Variants in RAB10 observed in about 807,000 individuals in gnomAD.
The protein encoded by RAB10 is RAB10, member RAS oncogene family, also known as ras-related protein Rab-10.
In RAB10, 5 loss-of-function variants were observed where a neutral mutation model predicts 25.7. The ratio of observed to expected loss-of-function variants is 0.19; its 90% CI spans 0.10 to 0.41. RAB10 has a LOEUF of 0.41. Ranked by LOEUF, RAB10 falls within the 10% of genes least tolerant of loss-of-function variation. RAB10 has a pLI of 1.00. For synonymous variants in RAB10, 89 were observed against 86.4 expected, an observed-to-expected ratio of 1.03 and a Z score of -0.16; for missense variants, 103 against 245.8, an observed-to-expected ratio of 0.42 and a Z score of 3.89.
chr2:26,053,811 C>G (rs1392569722), intron 1 of RAB10, among the ~76,000 whole-genome samples: 1 of 152,032 alleles, frequency 6.6e-6, no homozygotes, highest in South Asian at 2.1e-4. Context: ...CTTCTGCCTT[C>G]CGGGTTCAAG....
chr2:26,067,080 C>G (rs1402945468), intron 1 of RAB10, among the ~76,000 whole-genome samples: 1 of 152,110 alleles, frequency 6.6e-6, no homozygotes, highest in Non-Finnish European at 1.5e-5. Flanking sequence ...CCATGCCGCT[C>G]TATTTTTTGT....
chr2:26,128,342 G>C (rs975310758), intron 5 of RAB10, among the ~76,000 whole-genome samples: 2 of 152,140 alleles, frequency 1.3e-5, no homozygotes, highest in African/African-American at 4.8e-5. Flanking sequence ...CCTCCTGCTG[G>C]GTGGCCCCGT....
chr2:26,065,418 A>G (rs1489072994), intron 1 of RAB10, among the ~76,000 whole-genome samples: 1 of 152,130 alleles, frequency 6.6e-6, no homozygotes, highest in African/African-American at 2.4e-5. Flanking sequence ...GAAATGGTCA[A>G]CACTTTCATT....
At chr2:26,064,097 T>A (rs143722300) in intron 1 of RAB10, among the ~76,000 whole-genome samples, 1 of 152,230 alleles carries the variant, frequency 6.6e-6, no homozygotes, top group Admixed American at 6.5e-5. Context: ...AGCTGCTTAA[T>A]GTCCTTTTGT....
At chr2:26,125,128 GA>G (rs1667880928) in intron 3 of RAB10, among the ~76,000 whole-genome samples, 2 of 152,110 alleles carry the variant, frequency 1.3e-5, no homozygotes, top group African/African-American at 4.8e-5. Context: ...CCCATGAGTG[GA>G]ATTGCTGGAT....
At chr2:26,101,003 G>A (rs188813981) in intron 2 of RAB10, among the ~76,000 whole-genome samples, 69 of 152,238 alleles carry the variant, frequency 4.5e-4, no homozygotes, top group African/African-American at 1.5e-3. Flanking sequence ...GTAAGGATGA[G>A]GGAGGAAGTG....
At chr2:26,130,524 G>C (rs988631744) in intron 5 of RAB10, among the ~76,000 whole-genome samples, 1 of 151,730 alleles carries the variant, frequency 6.6e-6, no homozygotes, top group Non-Finnish European at 1.5e-5. Flanking sequence ...GCCCAGGCTA[G>C]ATTTGAACTC....
rs549127479 is a variant in RAB10 at position 26,112,599 on chromosome 2, G to A, written c.327+2693G>A. On this transcript the variant is annotated intron_variant, in intron 3 of 5. Transcript: ENST00000264710. ...GATAAACTGAGAAACATACAACCCA[G>A]GTATCAAAAAGGAAAATTGTGGGTG... Among the ~76,000 whole-genome samples, 12 of 152,194 alleles carry A rather than the reference G, an allele frequency of 7.9e-5. No homozygotes were observed. The South Asian group carries it at 2.3e-3, about 29-fold the overall frequency.
In RAB10 at chr2:26,058,824, T is replaced by C. The variant is rs571192884; in HGVS notation, c.127+24089T>C. 2.0e-5 allele frequency among the ~76,000 whole-genome samples: 3 copies of C among 152,330 alleles called. No homozygotes were observed. In the South Asian group the frequency reaches 6.2e-4, roughly 32 times the overall value. On this transcript the variant is annotated intron_variant, in intron 1 of 5. Coordinates refer to ENST00000264710, the MANE Select transcript of RAB10 (RefSeq NM_016131.5). ...CTTCCCTTTCTATCCTATAATAAAA[T>C]AGCAACAGCTCCCCTCTTCCAGTTC...
intron 1 of RAB10, among the ~76,000 whole-genome samples, chr2:26,097,367 G>A (rs1232208104): frequency 5.3e-5 from 8 of 152,080 alleles, no homozygotes; most frequent in East Asian, 1.9e-4. Flanking sequence ...TCCACCTCCC[G>A]GGTTCAAGTG....
chr2:26,084,939 G>A (rs1277918147), intron 1 of RAB10, among the ~76,000 whole-genome samples: 1 of 152,088 alleles, frequency 6.6e-6, no homozygotes, highest in Non-Finnish European at 1.5e-5. Context: ...GGGTTATTTA[G>A]GAATGTGTAT....
chr2:26,119,479 T>G (rs1349288089), intron 3 of RAB10, among the ~76,000 whole-genome samples: 2 of 152,154 alleles, frequency 1.3e-5, no homozygotes, highest in African/African-American at 4.8e-5. Context: ...TTGTGTTTTG[T>G]TATTCAAAGA....
intron 1 of RAB10, 121 bp from the exon 2 acceptor site, chr2:26,098,541 A>G (rs999302895): frequency 5.0e-5 from 36 of 719,902 alleles, no homozygotes; most frequent in Non-Finnish European, 7.8e-5. Context: ...TACTTGGTGA[A>G]TATCTGGAAT....
At chr2:26,105,952 T>A (rs1202169972) in intron 2 of RAB10, among the ~76,000 whole-genome samples, 1 of 152,238 alleles carries the variant, frequency 6.6e-6, no homozygotes, top group African/African-American at 2.4e-5. Context: ...TCTAATCATT[T>A]AGGTTTGTAT....
At chr2:26,107,406 T>C (rs1219507095) in intron 2 of RAB10, among the ~76,000 whole-genome samples, 1 of 152,178 alleles carries the variant, frequency 6.6e-6, no homozygotes, top group Non-Finnish European at 1.5e-5. Context: ...AAAGACTAGC[T>C]ACAGACTTGG....
intron 2 of RAB10, 108 bp from the exon 3 acceptor site, chr2:26,109,660 C>A: frequency 8.6e-7 from 1 of 1,157,744 alleles, no homozygotes; most frequent in South Asian, 2.7e-5. Flanking sequence ...TTTCCTTCAA[C>A]TAAAAAGTTT....
At chr2:26,108,909 A>G (rs979428150) in intron 2 of RAB10, among the ~76,000 whole-genome samples, 6 of 149,662 alleles carry the variant, frequency 4.0e-5, no homozygotes, top group African/African-American at 1.2e-4. Flanking sequence ...TTATTTATTT[A>G]TTTATTTATT....
chr2:26,110,148 C>T (rs1308983345), intron 3 of RAB10, among the ~76,000 whole-genome samples: 1 of 151,910 alleles, frequency 6.6e-6, no homozygotes, highest in African/African-American at 2.4e-5. Flanking sequence ...ACCAGCCTGG[C>T]CAACATGGTG....
At chr2:26,108,625 A>AAC (rs1553728931) in intron 2 of RAB10, among the ~76,000 whole-genome samples, 3,331 of 151,058 alleles carry the variant, frequency 0.022, 62 homozygotes, top group African/African-American at 0.043. Flanking sequence ...TAAAAAAAAA[A>AAC]AACCCTGAAA....
Sources: allele counts gnomAD v4.1 joint callset (sites outside exome capture counted in the v4.1 genomes callset), GRCh38; gene constraint gnomAD v4.1.1; transcripts MANE v1.5; gene names NCBI Gene and HGNC (gene_info 2026-07-23, HGNC 2026-07-21).